CHD9: variants seen among roughly 807,000 people sequenced by gnomAD.
CHD9 encodes ATP-dependent chromatin remodeler CHD9.
In CHD9, 77 loss-of-function variants were observed where a neutral mutation model predicts 316.1. That is an observed-to-expected ratio of 0.24 (90% CI 0.20 to 0.29). The LOEUF (loss-of-function observed/expected upper bound fraction) is 0.29, where lower values mean the gene tolerates loss of function less well. Ranked by LOEUF, CHD9 falls within the 10% of genes least tolerant of loss-of-function variation. The pLI is 1.00. For missense variants in CHD9, 2,763 were observed against 3,438.1 expected, an observed-to-expected ratio of 0.80 and a Z score of 4.91; for synonymous variants, 1,129 against 1,158.3, an observed-to-expected ratio of 0.97 and a Z score of 0.51.
intron 29 of CHD9, among the ~76,000 whole-genome samples, chr16:53,295,754 C>T (rs576672511): frequency 6.6e-6 from 1 of 152,156 alleles, no homozygotes; most frequent in Non-Finnish European, 1.5e-5. Context: ...ATAAAAATGG[C>T]CCATTCACAT....
intron 1 of CHD9, among the ~76,000 whole-genome samples, chr16:53,100,534 G>A (rs1013166691): frequency 6.8e-6 from 1 of 146,522 alleles, no homozygotes; most frequent in African/African-American, 2.5e-5. Flanking sequence ...TCATAGCTCA[G>A]TGAAGCCTGG....
chr16:53,092,119 C>G (rs867259866), intron 1 of CHD9, among the ~76,000 whole-genome samples: 20 of 152,294 alleles, frequency 1.3e-4, no homozygotes, highest in Middle Eastern at 3.4e-3. Context: ...TACTTCCCCC[C>G]CAGCTGTGGA....
chr16:53,076,310 C>G (rs1364161299), intron 1 of CHD9, among the ~76,000 whole-genome samples: 1 of 152,104 alleles, frequency 6.6e-6, no homozygotes, highest in Non-Finnish European at 1.5e-5. Context: ...TGTGATGGCT[C>G]TCGCCTGTAA....
intron 24 of CHD9, among the ~76,000 whole-genome samples, chr16:53,275,142 G>A (rs1448712541): frequency 6.6e-6 from 1 of 151,958 alleles, no homozygotes; most frequent in South Asian, 2.1e-4. Flanking sequence ...AGTGATTCTT[G>A]TGCCTCAGCT....
At chr16:53,317,647 C>T (rs954183746) in intron 36 of CHD9, among the ~76,000 whole-genome samples, 11 of 152,136 alleles carry the variant, frequency 7.2e-5, no homozygotes, top group African/African-American at 2.7e-4. Flanking sequence ...GCGTACACCA[C>T]CATGGCAAGC....
intron 31 of CHD9, among the ~76,000 whole-genome samples, chr16:53,305,808 A>C (rs2055913077): frequency 1.3e-5 from 2 of 152,196 alleles, no homozygotes. Context: ...GGGTTGCCGC[A>C]AGAAACATGC....
intron 2 of CHD9, among the ~76,000 whole-genome samples, chr16:53,196,168 T>C (rs1347705457): frequency 6.6e-6 from 1 of 152,164 alleles, no homozygotes; most frequent in Non-Finnish European, 1.5e-5. Context: ...TTATTTAGAT[T>C]TCCCCAGTTT....
At chr16:53,145,947 A>G (rs1173151100) in intron 1 of CHD9, among the ~76,000 whole-genome samples, 1 of 152,136 alleles carries the variant, frequency 6.6e-6, no homozygotes, top group Non-Finnish European at 1.5e-5. Flanking sequence ...ACATTATGCT[A>G]AGTGAAACAG....
rs767827735 is a variant in CHD9, at chr16:53,286,221, T to G, written c.5072-5T>G. 1.3e-6 allele frequency: 2 copies of G among 1,553,906 alleles called. No individual in the cohort carries two copies. The highest frequency in any genetic ancestry group is 1.8e-6 in the Non-Finnish European group (2 of 1,126,326). On this transcript the variant is annotated splice_region_variant and splice_polypyrimidine_tract_variant and intron_variant, in intron 25 of 38. Coordinates refer to ENST00000447540, the MANE Select transcript of CHD9 (RefSeq NM_001308319.2). ...TTTTACTTTTGTAATTGGTGATGTT[T>G]TCAGGATATGAAAAATATAACACTA...
chr16:53,118,156 T>C (rs1383431189), intron 1 of CHD9, among the ~76,000 whole-genome samples: 1 of 152,196 alleles, frequency 6.6e-6, no homozygotes, highest in East Asian at 1.9e-4. Context: ...GGATTTCATA[T>C]TTTAAGAAAT....
At chr16:53,188,674 A>G (rs2044239361) in intron 2 of CHD9, among the ~76,000 whole-genome samples, 1 of 127,778 alleles carries the variant, frequency 7.8e-6, no homozygotes, top group Admixed American at 1.0e-4. Flanking sequence ...GGCTCACTGC[A>G]ACCTCCACCT....
rs753680713 is a variant in CHD9, at chr16:53,314,935, T to G, written c.7475T>G (p.Leu2492Arg). The G allele has an allele frequency of 1.9e-5, 31 of 1,613,724 alleles. No homozygotes were observed. Among genetic ancestry groups the G allele is most frequent in the Non-Finnish European group, 2.5e-5 (30 of 1,179,828 alleles). Residue 2492 changes from leucine (L) to arginine (R), a missense_variant, in exon 36 of 39, where the codon CTT becomes CGT. Leu to Arg is a moderately radical substitution (Grantham distance 102). Transcript: ENST00000447540. Reference protein sequence around the residue: ...DTESPVPVINLKDGTRLAGDD... With the variant: ...DTESPVPVINRKDGTRLAGDD... ...GAAAGTCCAGTTCCAGTTATTAATC[T>G]TAAAGATGGAACGAGACTTGCAGGA...
At chr16:53,164,103 G>A (rs891767559) in intron 2 of CHD9, among the ~76,000 whole-genome samples, 1 of 152,094 alleles carries the variant, frequency 6.6e-6, no homozygotes, top group African/African-American at 2.4e-5. Context: ...TTAATACATT[G>A]TAATATTTAA....
At position 53,285,743 on chromosome 16, in the gene CHD9, G is replaced by A. The variant is rs777502355; in HGVS notation, c.5071+44G>A. 15 of 1,062,724 alleles carry A rather than the reference G, an allele frequency of 1.4e-5. No homozygotes were observed. The Middle Eastern group carries it at 6.3e-4, about 44-fold the overall frequency. The allele number at this position is 1,062,724 out of a possible 1,614,324, so 65.8% of individuals were successfully genotyped here. A position where few individuals can be genotyped will look rare whatever the true frequency, so the allele number is the denominator to read the frequency against. ...AGGTGAGATCCCCTTCTATGTATAA[G>A]GCAGTTCTGTCAGTTCTCAGTTCAT... On this transcript the variant is annotated intron_variant, in intron 25 of 38. Coordinates refer to ENST00000447540, the MANE Select transcript of CHD9 (RefSeq NM_001308319.2).
At chr16:53,307,603 T>C (rs2056101331) in intron 32 of CHD9, 78 bp from the exon 33 acceptor site, 6 of 1,323,618 alleles carry the variant, frequency 4.5e-6, no homozygotes, top group Middle Eastern at 5.1e-4. Context: ...GTTAAATCCA[T>C]AGACTCTTGA....
At chr16:53,204,056 TATACACAC>T (rs1439606959) in intron 2 of CHD9, among the ~76,000 whole-genome samples, 28 of 111,458 alleles carry the variant, frequency 2.5e-4, no homozygotes, top group Middle Eastern at 4.9e-3. Context: ...AAAATATATA[TATACACAC>T]ACACACACAC....
At chr16:53,208,566 C>CCAGTGCTG (rs1317605400) in intron 2 of CHD9, 3 of 1,028,532 alleles carry the variant, frequency 2.9e-6, no homozygotes, top group Non-Finnish European at 3.5e-6. Flanking sequence ...CCTTCCTTTC[C>CCAGTGCTG]CAGTGCTGCA....
intron 29 of CHD9, among the ~76,000 whole-genome samples, chr16:53,295,703 T>G (rs1011876601): frequency 6.6e-6 from 1 of 152,210 alleles, no homozygotes; most frequent in Non-Finnish European, 1.5e-5. Context: ...CTAACTATTT[T>G]TACATCATAA....
At chr16:53,310,571 G>C (rs564677806) in intron 34 of CHD9, among the ~76,000 whole-genome samples, 5 of 152,112 alleles carry the variant, frequency 3.3e-5, no homozygotes, top group African/African-American at 1.2e-4. Flanking sequence ...GTAGGGGTCC[G>C]GTGTGGTGGC....
Sources: gnomAD v4.1 joint callset for allele counts (sites outside exome capture counted in the v4.1 genomes callset) on GRCh38, gnomAD v4.1.1 for gene constraint, MANE v1.5 for transcripts, NCBI Gene and HGNC (gene_info 2026-07-23, HGNC 2026-07-21) for gene names.